Variants in MMP20 observed in about 807,000 individuals in gnomAD.
The protein encoded by MMP20 is matrix metalloproteinase-20.
In MMP20, 50 loss-of-function variants were observed where a neutral mutation model predicts 51.8. The observed-to-expected ratio is 0.97, with a 90% CI of 0.77 to 1.22. MMP20 has a LOEUF of 1.22. Among genes scored for constraint, MMP20 ranks in the 50% most tolerant of loss-of-function variants. The probability of loss-of-function intolerance (pLI) is 0.00; values close to 1 mark genes in which losing one functional copy is unlikely to be tolerated. For synonymous variants in MMP20, 244 were observed against 216.2 expected (o/e 1.13, Z -1.13); for missense variants, 663 against 601.4 (o/e 1.10, Z -1.07).
At chr11:102,579,802 A>T (rs578146918) in intron 8 of MMP20, among the ~76,000 whole-genome samples, 5 of 90,292 alleles carry the variant, frequency 5.5e-5, no homozygotes, top group African/African-American at 2.9e-4. Context: ...TGTTCTGTTA[A>T]CTCAAAAAAA....
chr11:102,606,804 G>T, intron 5 of MMP20, 128 bp from the exon 6 acceptor site: 1 of 1,125,558 alleles, frequency 8.9e-7, no homozygotes, highest in Non-Finnish European at 1.3e-6. Context: ...GGCTGTTGAG[G>T]GCAGGTATGG....
chr11:102,594,575 G>T, intron 7 of MMP20, 46 bp downstream of exon 7: 1 of 1,609,296 alleles, frequency 6.2e-7, no homozygotes, highest in Non-Finnish European at 8.5e-7. Context: ...AATGAATGGG[G>T]CACTGCAGCC....
Position 102,592,303 on chromosome 11 carries a change from G to A in MMP20, c.1247+1136C>T, listed in dbSNP as rs17098682. On this transcript the variant is annotated intron_variant, in intron 8 of 9. Coordinates refer to ENST00000260228, the MANE Select transcript of MMP20 (RefSeq NM_004771.4). ...GCCTAGTGGCTTAAACACTGGTCTG[G>A]AAGTGACAGCTCATGACACCGCATG... Among the ~76,000 whole-genome samples the A allele has an allele frequency of 4.6e-5, 7 of 152,280 alleles. No homozygotes were observed. In the East Asian group the frequency reaches 1.3e-3, roughly 29 times the overall value.
intron 8 of MMP20, among the ~76,000 whole-genome samples, chr11:102,587,212 G>A (rs1045440908): frequency 6.6e-6 from 1 of 152,078 alleles, no homozygotes; most frequent in African/African-American, 2.4e-5. Flanking sequence ...TTGACCCATT[G>A]GTTGTTTAAT....
At chr11:102,584,908 C>G (rs554498091) in intron 8 of MMP20, among the ~76,000 whole-genome samples, 6 of 152,048 alleles carry the variant, frequency 3.9e-5, no homozygotes, top group Non-Finnish European at 5.9e-5. Context: ...GACTTTATAT[C>G]GTTGTCAAAA....
chr11:102,579,413 A>G (rs994393556), intron 8 of MMP20, among the ~76,000 whole-genome samples: 12 of 152,072 alleles, frequency 7.9e-5, no homozygotes, highest in African/African-American at 2.9e-4. Flanking sequence ...TCCAGGCTCA[A>G]GCGATCCTCC....
intron 2 of MMP20, among the ~76,000 whole-genome samples, chr11:102,612,633 C>G (rs1285877598): frequency 6.6e-6 from 1 of 151,332 alleles, no homozygotes; most frequent in Non-Finnish European, 1.5e-5. Context: ...TGAAGTTTTG[C>G]TAATTCTTAT....
At chr11:102,615,345 T>C (rs1859656101) in intron 2 of MMP20, among the ~76,000 whole-genome samples, 2 of 151,146 alleles carry the variant, frequency 1.3e-5, no homozygotes. Context: ...TAATAGTAAA[T>C]TTACATAATT....
chr11:102,585,268 T>C (rs1859242011), intron 8 of MMP20, among the ~76,000 whole-genome samples: 2 of 152,190 alleles, frequency 1.3e-5, no homozygotes, highest in Non-Finnish European at 2.9e-5. Flanking sequence ...TCTTGCTTAA[T>C]TTCTTTCAAC....
At position 102,594,717 on chromosome 11, in the gene MMP20, G is replaced by T. The variant is rs148721639; in HGVS notation, c.994C>A (p.Arg332=). The T allele has an allele frequency of 6.2e-7, 1 of 1,600,418 alleles. No individual in the cohort carries two copies. The highest frequency in any genetic ancestry group is 1.1e-5 in the South Asian group (1 of 90,664). Residue 332 remains arginine (R), a synonymous_variant, in exon 7 of 10, where the codon CGG becomes AGG. Transcript: ENST00000260228. ...AAGGAGCTGGTAATAGTGCTGGGCC[G>T]AATTCCTGTCCGCAAGTGAACCTGC... ...RRQVHLRTGI[R]PSTITSSFPQ... is the part of the protein sequence containing the mutation.
chr11:102,605,928 C>T (rs1339301357), intron 6 of MMP20, among the ~76,000 whole-genome samples: 1 of 152,148 alleles, frequency 6.6e-6, no homozygotes, highest in African/African-American at 2.4e-5. Context: ...GAGGGATCTG[C>T]CTTCTCTGTG....
intron 2 of MMP20, among the ~76,000 whole-genome samples, chr11:102,614,559 G>A (rs570299375): frequency 4.1e-4 from 63 of 152,266 alleles, no homozygotes; most frequent in African/African-American, 1.3e-3. Context: ...CTGTCGATGC[G>A]TACACATTTT....
intron 4 of MMP20, 106 bp downstream of exon 4, chr11:102,609,799 C>T (rs1185687681): frequency 5.3e-6 from 8 of 1,521,452 alleles, no homozygotes; most frequent in Admixed American, 1.7e-5. Flanking sequence ...CCTAGCCAGC[C>T]CCCCTAGTTA....
intron 1 of MMP20, among the ~76,000 whole-genome samples, chr11:102,623,480 T>C (rs915471069): frequency 6.6e-6 from 1 of 152,168 alleles, no homozygotes; most frequent in Non-Finnish European, 1.5e-5. Context: ...TGCCTGATGA[T>C]CTGAGGTGGA....
chr11:102,613,088 A>G (rs894243075), intron 2 of MMP20, among the ~76,000 whole-genome samples: 4 of 152,192 alleles, frequency 2.6e-5, no homozygotes, highest in African/African-American at 9.7e-5. Flanking sequence ...ACGGAGGCTC[A>G]CTGGAATTGA....
intron 1 of MMP20, among the ~76,000 whole-genome samples, chr11:102,618,966 CTT>C (rs1859711363): frequency 6.6e-6 from 1 of 152,076 alleles, no homozygotes; most frequent in African/African-American, 2.4e-5. Flanking sequence ...ATTGTTGTCC[CTT>C]GTAAAAACCT....
intron 6 of MMP20, among the ~76,000 whole-genome samples, chr11:102,602,410 T>C (rs1859459781): frequency 6.6e-6 from 1 of 152,160 alleles, no homozygotes; most frequent in Non-Finnish European, 1.5e-5. Flanking sequence ...TTGGGAAACC[T>C]AGATAGTCTA....
chr11:102,622,871 T>C (rs1469507892), intron 1 of MMP20, among the ~76,000 whole-genome samples: 1 of 152,248 alleles, frequency 6.6e-6, no homozygotes, highest in African/African-American at 2.4e-5. Context: ...GATGAGGTTG[T>C]TATATAATGT....
chr11:102,580,375 C>A (rs1859178653), intron 8 of MMP20, among the ~76,000 whole-genome samples: 1 of 152,022 alleles, frequency 6.6e-6, no homozygotes, highest in South Asian at 2.1e-4. Flanking sequence ...AAAGGTCAGA[C>A]AATTTCTCCC....
Sources: gnomAD v4.1 joint callset for allele counts (sites outside exome capture counted in the v4.1 genomes callset) on GRCh38, gnomAD v4.1.1 for gene constraint, MANE v1.5 for transcripts, NCBI Gene and HGNC (gene_info 2026-07-23, HGNC 2026-07-21) for gene names.